RNF115: variants seen among roughly 807,000 people sequenced by gnomAD.
The protein encoded by RNF115 is ring finger protein 115.
RNF115 carries 31 observed loss-of-function variants against 39.2 expected under a neutral mutation model. The observed-to-expected ratio is 0.79, with a 90% CI of 0.59 to 1.07. RNF115 has a LOEUF of 1.07. RNF115 is among the 50% of genes least tolerant of loss of function. The pLI is 0.00. For synonymous variants in RNF115, 124 were observed against 131.0 expected, an observed-to-expected ratio of 0.95 and a Z score of 0.37; for missense variants, 384 against 381.7, an observed-to-expected ratio of 1.01 and a Z score of -0.05.
chr1:145,812,135 T>C (rs2770164), intron 1 of RNF115, among the ~76,000 whole-genome samples: 1,700 of 128,130 alleles, frequency 0.013, 36 homozygotes, highest in Non-Finnish European at 0.016. Context: ...GTAACTATAA[T>C]TGTTTTTTCT....
In RNF115 at chr1:145,814,227, TC is replaced by T. The variant is rs1199485382; in HGVS notation, c.102+9544del. Among the ~76,000 whole-genome samples the T allele has an allele frequency of 7.2e-5, 11 of 151,992 alleles. No individual in the cohort carries two copies. In the South Asian group the frequency reaches 1.7e-3, roughly 23 times the overall value. ...GTGAGCCGTGATCATGCCACTGCAC[TC>T]CAACCTGGGCAACAAAGTCAGACTC... On this transcript the variant is annotated intron_variant, in intron 1 of 8. Transcript: ENST00000582693.
chr1:145,755,290 C>G (rs1312673222), intron 4 of RNF115, among the ~76,000 whole-genome samples: 3 of 151,584 alleles, frequency 2.0e-5, no homozygotes, highest in Non-Finnish European at 4.4e-5. Flanking sequence ...GTACTTCTGT[C>G]GGATCAATCA....
Position 145,824,017 on chromosome 1 carries a change from C to T in RNF115, c.-144G>A, listed in dbSNP as rs908208289. On this transcript the variant is annotated 5_prime_UTR_variant, in exon 1 of 9. Transcript: ENST00000582693. Reference sequence around the variant, plus strand: ...GCCCGCGTCGGTCACGTGAGTTGGCCAGGCCCAGAAACGCGGCGGCGCCAA... The same window carrying T: ...GCCCGCGTCGGTCACGTGAGTTGGCTAGGCCCAGAAACGCGGCGGCGCCAA... 2.8e-5 allele frequency: 16 copies of T among 569,300 alleles called. No individual in the cohort carries two copies. The African/African-American group carries it at 3.2e-4, about 11-fold the overall frequency. The allele number at this position is 569,300 out of a possible 1,614,324, so 35.3% of individuals were successfully genotyped here. A position where few individuals can be genotyped will look rare whatever the true frequency, so the allele number is the denominator to read the frequency against.
At chr1:145,777,707 A>G (rs1004692633) in intron 3 of RNF115, among the ~76,000 whole-genome samples, 4 of 152,232 alleles carry the variant, frequency 2.6e-5, no homozygotes, top group Admixed American at 6.5e-5. Flanking sequence ...GAGTTTTGCT[A>G]AAACAGTCTA....
chr1:145,804,278 T>C (rs9660042), intron 1 of RNF115, among the ~76,000 whole-genome samples: 81,952 of 151,942 alleles, frequency 0.54, 23,664 homozygotes, highest in African/African-American at 0.74. Flanking sequence ...CCCTTAACCA[T>C]ATTCTAGTAG....
chr1:145,774,931 TTAA>T (rs1380881314), intron 3 of RNF115, among the ~76,000 whole-genome samples: 1 of 152,194 alleles, frequency 6.6e-6, no homozygotes, highest in Non-Finnish European at 1.5e-5. Flanking sequence ...TGCTGAACTC[TTAA>T]TAATTTGTGT....
At chr1:145,821,565 GGCAATCCTCCTACCTCAGCCTCCT>G in intron 1 of RNF115, among the ~76,000 whole-genome samples, 2 of 82,470 alleles carry the variant, frequency 2.4e-5, no homozygotes, top group African/African-American at 7.2e-5. Context: ...CCTGGGGTCA[GGCAATCCTCCTACCTCAGCCTCCT>G]GAATAGCTGG....
At chr1:145,768,041 CCT>C (rs1298194239) in intron 4 of RNF115, among the ~76,000 whole-genome samples, 1 of 152,188 alleles carries the variant, frequency 6.6e-6, no homozygotes, top group East Asian at 1.9e-4. Context: ...TCATCTTACC[CCT>C]GAGAAACAAA....
chr1:145,757,356 G>C (rs1343126352), intron 4 of RNF115, among the ~76,000 whole-genome samples: 2 of 152,120 alleles, frequency 1.3e-5, no homozygotes, highest in African/African-American at 4.8e-5. Context: ...GAAACCCAAG[G>C]TGGAAAAAGC....
intron 1 of RNF115, among the ~76,000 whole-genome samples, chr1:145,813,275 A>G (rs1649817325): frequency 6.6e-6 from 1 of 151,016 alleles, no homozygotes; most frequent in Admixed American, 6.6e-5. Flanking sequence ...ACAAAGATTA[A>G]TAACTCCAAT....
chr1:145,750,466 G>A lies in RNF115; in HGVS notation c.608C>T (p.Pro203Leu). 6.2e-7 allele frequency: 1 copy of A among 1,613,978 alleles called. No individual in the cohort carries two copies. The highest frequency in any genetic ancestry group is 8.5e-7 in the Non-Finnish European group (1 of 1,179,898). Residue 203 changes from proline (P) to leucine (L), a missense_variant, in exon 7 of 9, where the codon CCA becomes CTA. Physicochemically the swap from Pro to Leu is moderately conservative, Grantham distance 98. Coordinates refer to ENST00000582693, the MANE Select transcript of RNF115 (RefSeq NM_014455.4). Reference protein sequence around the residue: ...LGQLENTGPPPADKEKITSLP... With the variant: ...LGQLENTGPPLADKEKITSLP... ...AGATGTGATCTTTTCCTTGTCAGCT[G>A]GGGGAGGGCCTGTGTTTTCCAGTTG...
At chr1:145,765,821 G>C (rs111601840) in intron 4 of RNF115, among the ~76,000 whole-genome samples, 2 of 152,154 alleles carry the variant, frequency 1.3e-5, no homozygotes, top group Non-Finnish European at 2.9e-5. Context: ...AATGAACAAT[G>C]TGAGAGTTCC....
chr1:145,770,983 CTTGA>C (rs1458646031), intron 4 of RNF115, among the ~76,000 whole-genome samples: 3 of 152,132 alleles, frequency 2.0e-5, no homozygotes, highest in African/African-American at 7.2e-5. Context: ...AAAGCAGATA[CTTGA>C]TTAAATTTCA....
intron 1 of RNF115, among the ~76,000 whole-genome samples, chr1:145,813,214 A>G (rs1649814841): frequency 6.6e-6 from 1 of 151,534 alleles, no homozygotes; most frequent in African/African-American, 2.4e-5. Flanking sequence ...ATACTTAGGT[A>G]AACTGAGACG....
At chr1:145,814,570 GA>G in intron 1 of RNF115, among the ~76,000 whole-genome samples, 1 of 151,124 alleles carries the variant, frequency 6.6e-6, no homozygotes, top group Non-Finnish European at 1.5e-5. Flanking sequence ...GTGAAAGAGG[GA>G]AACTCCGTTT....
At chr1:145,754,756 G>C (rs1001668489) in intron 4 of RNF115, among the ~76,000 whole-genome samples, 28 of 152,120 alleles carry the variant, frequency 1.8e-4, no homozygotes, top group African/African-American at 6.3e-4. Context: ...ACAGCTCCTA[G>C]TAACTACCAT....
chr1:145,798,016 T>C (rs1280495805), intron 1 of RNF115, among the ~76,000 whole-genome samples: 1 of 152,006 alleles, frequency 6.6e-6, no homozygotes, highest in African/African-American at 2.4e-5. Context: ...TGTTGTTGAG[T>C]TGTTGTTCTT....
Position 145,748,124 on chromosome 1 carries a change from A to G in RNF115, c.668-14T>C, listed in dbSNP as rs1553712026. The G allele has an allele frequency of 6.3e-7, 1 of 1,577,406 alleles. No homozygotes were observed. The highest frequency in any genetic ancestry group is 1.1e-5 in the South Asian group (1 of 90,242). On this transcript the variant is annotated splice_polypyrimidine_tract_variant and intron_variant, in intron 7 of 8. Coordinates refer to ENST00000582693, the MANE Select transcript of RNF115 (RefSeq NM_014455.4). ...CTAAACCCATATCTGTTGAAGAAGG[A>G]AATGCCTTTTAAAGTAAACAGGCAA...
chr1:145,797,640 A>G (rs1401605124), intron 1 of RNF115, among the ~76,000 whole-genome samples: 2 of 152,192 alleles, frequency 1.3e-5, no homozygotes, highest in Non-Finnish European at 1.5e-5. Flanking sequence ...CCTGCATTGA[A>G]TACTTCTGGA....
Sources: gnomAD v4.1 joint callset for allele counts (sites outside exome capture counted in the v4.1 genomes callset) on GRCh38, gnomAD v4.1.1 for gene constraint, MANE v1.5 for transcripts, NCBI Gene and HGNC (gene_info 2026-07-23, HGNC 2026-07-21) for gene names.